The following NOL10 variants were observed in gnomAD, a reference collection of about 807,000 sequenced individuals.
NOL10 encodes the protein H_NH0074G24.1.
NOL10 carries 58 observed loss-of-function variants against 103.5 expected under a neutral mutation model. The ratio of observed to expected loss-of-function variants is 0.56; its 90% CI spans 0.45 to 0.70. The LOEUF (loss-of-function observed/expected upper bound fraction) is 0.70. Among genes scored for constraint, NOL10 ranks in the 30% least tolerant of loss-of-function variants. NOL10 has a pLI of 0.00. For synonymous variants in NOL10, 287 were observed against 282.5 expected, an observed-to-expected ratio of 1.02 and a Z score of -0.16; for missense variants, 763 against 807.3, an observed-to-expected ratio of 0.95 and a Z score of 0.67.
intron 13 of NOL10, among the ~76,000 whole-genome samples, chr2:10,627,284 TTATCTTTCCGGATCTTTC>T: frequency 6.6e-6 from 1 of 152,226 alleles, no homozygotes; most frequent in Non-Finnish European, 1.5e-5. Context: ...ATAAGATGTC[TTATCTTTCCGGATCTTTC>T]TTATAGGCTT....
chr2:10,680,986 C>T (rs574700454), intron 3 of NOL10, among the ~76,000 whole-genome samples: 9 of 152,274 alleles, frequency 5.9e-5, no homozygotes, highest in Admixed American at 2.6e-4. Flanking sequence ...AGTGACCTTT[C>T]CTAAAACTCT....
chr2:10,589,623 C>T lies in NOL10; in HGVS notation c.1551G>A (p.Arg517=). The part of the protein sequence containing the change: ...NPLVSKISEK[R]KKKLRLLEQQ... Reference sequence around the variant, plus strand: ...GCTCTAAGAGTCTTAGTTTCTTCTTCCTTTTTTCACTAATTTTTGAAACAA... The same window carrying T: ...GCTCTAAGAGTCTTAGTTTCTTCTTTCTTTTTTCACTAATTTTTGAAACAA... The change falls in exon 18 of 21, where the codon AGG becomes AGA. Residue 517 remains arginine, a synonymous_variant. Coordinates refer to ENST00000381685, the MANE Select transcript of NOL10 (RefSeq NM_024894.4). 1 of 1,592,224 alleles carries T rather than the reference C, an allele frequency of 6.3e-7. No individual in the cohort carries two copies. The highest frequency in any genetic ancestry group is 8.5e-7 in the Non-Finnish European group (1 of 1,172,486).
At chr2:10,675,063 C>T (rs1681210690) in intron 4 of NOL10, among the ~76,000 whole-genome samples, 1 of 151,908 alleles carries the variant, frequency 6.6e-6, no homozygotes, top group African/African-American at 2.4e-5. Context: ...ATTAGTGGGG[C>T]ATGGTGGTTC....
chr2:10,613,675 A>G (rs1206928749), intron 13 of NOL10, among the ~76,000 whole-genome samples: 1 of 152,226 alleles, frequency 6.6e-6, no homozygotes, highest in Non-Finnish European at 1.5e-5. Context: ...AATCCTAGAA[A>G]TTGAATTTAA....
chr2:10,618,510 T>C lies in NOL10; in HGVS notation c.1027-11199A>G, dbSNP rs545043235. On this transcript the variant is annotated intron_variant, in intron 13 of 20. Coordinates refer to ENST00000381685, the MANE Select transcript of NOL10 (RefSeq NM_024894.4). ...CAGACTATTTCTATACCATAAGCGA[T>C]TGGCTCTGTATGATTAATATTTGCA... is the stretch of plus-strand genomic sequence containing the variant. Among the ~76,000 whole-genome samples the C allele has an allele frequency of 1.8e-4, 27 of 152,346 alleles. No homozygotes were observed. The South Asian group carries it at 5.4e-3, about 30-fold the overall frequency.
At chr2:10,620,306 AC>A (rs947266281) in intron 13 of NOL10, among the ~76,000 whole-genome samples, 10 of 152,286 alleles carry the variant, frequency 6.6e-5, no homozygotes, top group African/African-American at 2.4e-4. Flanking sequence ...ATGTAAAAAT[AC>A]CCAGGGGGGG....
intron 13 of NOL10, among the ~76,000 whole-genome samples, chr2:10,630,516 T>A (rs1238973465): frequency 2.6e-5 from 4 of 152,060 alleles, no homozygotes; most frequent in Non-Finnish European, 4.4e-5. Flanking sequence ...ATTGAGACTA[T>A]CTTGGCTAAC....
intron 13 of NOL10, among the ~76,000 whole-genome samples, chr2:10,625,174 T>G (rs1257325411): frequency 6.6e-6 from 1 of 152,136 alleles, no homozygotes. Context: ...GGGAGACTAT[T>G]CTATGTGATA....
chr2:10,615,814 G>C (rs1024055341), intron 13 of NOL10, among the ~76,000 whole-genome samples: 2 of 152,168 alleles, frequency 1.3e-5, no homozygotes, highest in Non-Finnish European at 2.9e-5. Context: ...CAATGGAGCT[G>C]ATGAACACCC....
chr2:10,612,636 G>A (rs1386860665), intron 13 of NOL10, among the ~76,000 whole-genome samples: 4 of 152,028 alleles, frequency 2.6e-5, no homozygotes, highest in Non-Finnish European at 5.9e-5. Flanking sequence ...CTGAGTAGCT[G>A]GGATTACAGG....
chr2:10,671,474 A>G, intron 6 of NOL10, 80 bp downstream of exon 6: 1 of 1,197,550 alleles, frequency 8.4e-7, no homozygotes, highest in Middle Eastern at 2.0e-4. Flanking sequence ...ACCTAAACAG[A>G]GAAAATGTAC....
At chr2:10,628,715 A>C (rs189979739) in intron 13 of NOL10, among the ~76,000 whole-genome samples, 34 of 152,264 alleles carry the variant, frequency 2.2e-4, no homozygotes, top group African/African-American at 8.2e-4. Context: ...TCATACCAAA[A>C]AATCCCATGT....
intron 13 of NOL10, among the ~76,000 whole-genome samples, chr2:10,643,019 A>G (rs1678819235): frequency 1.3e-5 from 2 of 152,220 alleles, no homozygotes; most frequent in South Asian, 4.1e-4. Context: ...GATGTAGTCC[A>G]TAATATTTAT....
intron 13 of NOL10, among the ~76,000 whole-genome samples, chr2:10,618,630 GGC>G (rs904877677): frequency 6.6e-6 from 1 of 152,074 alleles, no homozygotes; most frequent in Non-Finnish European, 1.5e-5. Flanking sequence ...GTTCCAGGAA[GGC>G]GGCCCAGTTA....
chr2:10,652,092 T>C (rs1390918149), intron 12 of NOL10, among the ~76,000 whole-genome samples: 1 of 151,672 alleles, frequency 6.6e-6, no homozygotes, highest in Admixed American at 6.6e-5. Context: ...ATACAAATAT[T>C]AGCCGGGCGT....
chr2:10,644,716 C>G (rs1032082047), intron 12 of NOL10, among the ~76,000 whole-genome samples: 1 of 152,200 alleles, frequency 6.6e-6, no homozygotes, highest in Non-Finnish European at 1.5e-5. Flanking sequence ...TTATAACAGA[C>G]TGAACCAACA....
chr2:10,573,366 G>A (rs1333347576), intron 20 of NOL10, among the ~76,000 whole-genome samples: 1 of 152,058 alleles, frequency 6.6e-6, no homozygotes, highest in African/African-American at 2.4e-5. Context: ...GCTAATTTTT[G>A]TATTTTTAGT....
chr2:10,628,461 C>G (rs914864130), intron 13 of NOL10, among the ~76,000 whole-genome samples: 1 of 152,184 alleles, frequency 6.6e-6, no homozygotes, highest in Non-Finnish European at 1.5e-5. Context: ...TAGGCACCAT[C>G]TCACCCATTC....
At position 10,644,338 on chromosome 2, in the gene NOL10, C is replaced by T; in HGVS notation, c.1008G>A (p.Met336Ile). The change falls in exon 13 of 21, where the codon ATG (methionine) becomes ATA (isoleucine). Residue 336 changes from methionine to isoleucine, a missense_variant. By Grantham distance (10) the Met-to-Ile change is conservative. Transcript: ENST00000381685. ...TACTTACTGGAATGTAATAGATGCC[C>T]ATCTTGGGGGTTTCATTGGCCGTCA... ...MLLTANETPK[M>I]GIYYIPVLGP... The T allele has an allele frequency of 6.5e-7, 1 of 1,538,600 alleles. No homozygotes were observed. Among genetic ancestry groups the T allele is most frequent in the Non-Finnish European group, 8.8e-7 (1 of 1,142,818 alleles).
Sources: gnomAD v4.1 joint callset for allele counts (sites outside exome capture counted in the v4.1 genomes callset) on GRCh38, gnomAD v4.1.1 for gene constraint, MANE v1.5 for transcripts, NCBI Gene and HGNC (gene_info 2026-07-23, HGNC 2026-07-21) for gene names.